Variants in ATR observed in about 807,000 individuals in gnomAD.
ATR encodes serine/threonine-protein kinase ATR.
Under a neutral mutation model 305.3 loss-of-function variants are expected in ATR, and 142 were observed. The ratio of observed to expected loss-of-function variants is 0.47; its 90% CI spans 0.41 to 0.53. The LOEUF is 0.53. ATR is among the 20% of genes least tolerant of loss of function. The pLI is 0.00. For missense variants in ATR, 2,135 were observed against 3,133.1 expected, an observed-to-expected ratio of 0.68 and a Z score of 7.60; for synonymous variants, 1,050 against 1,068.1, an observed-to-expected ratio of 0.98 and a Z score of 0.33.
At chr3:142,501,207 C>A (rs1447142076) in intron 30 of ATR, among the ~76,000 whole-genome samples, 1 of 152,018 alleles carries the variant, frequency 6.6e-6, no homozygotes, top group Non-Finnish European at 1.5e-5. Context: ...TCTATGTATC[C>A]CAGACCCAAA....
At chr3:142,529,189 T>A (rs1243817369) in intron 21 of ATR, among the ~76,000 whole-genome samples, 2 of 151,890 alleles carry the variant, frequency 1.3e-5, no homozygotes, top group Middle Eastern at 3.2e-3. Context: ...CTATCCAATA[T>A]ATTAATACCT....
At chr3:142,574,536 G>A (rs1484150756) in intron 1 of ATR, among the ~76,000 whole-genome samples, 1 of 151,672 alleles carries the variant, frequency 6.6e-6, no homozygotes, top group Admixed American at 6.6e-5. Context: ...TTCTACCCTG[G>A]AACTGAGCTA....
chr3:142,564,310 A>G (rs137873219), intron 3 of ATR, among the ~76,000 whole-genome samples: 2 of 151,242 alleles, frequency 1.3e-5, no homozygotes, highest in African/African-American at 4.8e-5. Context: ...GCCTGTAACA[A>G]CTTTGGAGTC....
rs1223496202 is a variant in ATR, at chr3:142,496,514, A to G, written c.5745T>C (p.Asp1915=). ...AGCATTCTCCAACCATTTCATTGTA[A>G]TCTGGTCTAAAGGAAGTAACAACAC... ...RALLSLNKRP[D]YNEMVGECWL... is the part of the protein sequence containing the mutation. Residue 1915 remains aspartate, a synonymous_variant, in exon 34 of 47, where the codon GAT becomes GAC. Coordinates refer to ENST00000350721, the MANE Select transcript of ATR (RefSeq NM_001184.4). 3 of 1,609,218 alleles carry G rather than the reference A, an allele frequency of 1.9e-6. No individual in the cohort carries two copies. Among genetic ancestry groups the G allele is most frequent in the Non-Finnish European group, 2.5e-6 (3 of 1,177,652 alleles).
At chr3:142,468,113 G>C (rs1431873800) in intron 38 of ATR, 45 bp from the exon 39 acceptor site, 7 of 1,595,956 alleles carry the variant, frequency 4.4e-6, no homozygotes, top group Non-Finnish European at 5.1e-6. Flanking sequence ...AGTTTATACA[G>C]GATTTTTAAA....
chr3:142,508,209 A>C (rs889500575), intron 27 of ATR, 100 bp from the exon 28 acceptor site: 1 of 970,864 alleles, frequency 1.0e-6, no homozygotes, highest in Non-Finnish European at 1.5e-6. Context: ...TAAACAAATT[A>C]ATCTGAATAT....
chr3:142,571,671 A>C (rs2035266860), intron 1 of ATR, among the ~76,000 whole-genome samples: 1 of 152,192 alleles, frequency 6.6e-6, no homozygotes, highest in Non-Finnish European at 1.5e-5. Context: ...CATATATTTC[A>C]TATATGTCAC....
At chr3:142,516,758 G>A (rs1350875665) in intron 24 of ATR, among the ~76,000 whole-genome samples, 1 of 152,042 alleles carries the variant, frequency 6.6e-6, no homozygotes, top group African/African-American at 2.4e-5. Flanking sequence ...CATTCCGGAT[G>A]CTCCTTGGGG....
rs2108276403 is a variant in ATR, at chr3:142,468,085, T to A, written c.6553-17A>T. 1 of 1,610,352 alleles carries A rather than the reference T, an allele frequency of 6.2e-7. No individual in the cohort carries two copies. The highest frequency in any genetic ancestry group is 8.5e-7 in the Non-Finnish European group (1 of 1,178,676). On this transcript the variant is annotated splice_polypyrimidine_tract_variant and intron_variant, in intron 38 of 46. Transcript: ENST00000350721. ...ATAAGATGACTGTCATAAAAAAGAG[T>A]TAAATGTCATAAAAAAGAGTTTATA...
intron 28 of ATR, among the ~76,000 whole-genome samples, chr3:142,505,848 A>G (rs973957430): frequency 1.2e-4 from 19 of 152,208 alleles, no homozygotes; most frequent in African/African-American, 4.6e-4. Flanking sequence ...CAGACTGACG[A>G]TAGAGATTAG....
chr3:142,450,242 AAATAACCCCT>A (rs903292252), intron 46 of ATR: 1 of 653,196 alleles, frequency 1.5e-6, no homozygotes, highest in African/African-American at 1.8e-5. Context: ...CCAGGTATTA[AAATAACCCCT>A]ACAACAGCCA....
chr3:142,564,426 G>A (rs2034992564), intron 3 of ATR, among the ~76,000 whole-genome samples: 1 of 152,206 alleles, frequency 6.6e-6, no homozygotes, highest in African/African-American at 2.4e-5. Context: ...CTATGTTATG[G>A]GTTACTGTGA....
At chr3:142,452,665 C>G in intron 46 of ATR, 1 of 1,016,290 alleles carries the variant, frequency 9.8e-7, no homozygotes, top group Middle Eastern at 4.9e-4. Context: ...CAGAGCGAGA[C>G]TCTGTCTCAA....
chr3:142,563,424 C>T (rs917858683), intron 3 of ATR, among the ~76,000 whole-genome samples: 1 of 152,154 alleles, frequency 6.6e-6, no homozygotes, highest in African/African-American at 2.4e-5. Flanking sequence ...CAAAATATTT[C>T]AAACATTTTC....
intron 4 of ATR, 111 bp from the exon 5 acceptor site, chr3:142,561,532 T>G: frequency 8.6e-7 from 1 of 1,158,336 alleles, no homozygotes; most frequent in Non-Finnish European, 1.2e-6. Flanking sequence ...GAAACTACTT[T>G]TAGAGTCTCA....
At chr3:142,486,759 A>C (rs1379029738) in intron 35 of ATR, among the ~76,000 whole-genome samples, 1 of 151,934 alleles carries the variant, frequency 6.6e-6, no homozygotes, top group Admixed American at 6.6e-5. Context: ...ATCCTCATAC[A>C]AGAACTCCAG....
intron 46 of ATR, chr3:142,451,406 G>T: frequency 6.8e-7 from 1 of 1,471,916 alleles, no homozygotes. Flanking sequence ...GAGATCTGAA[G>T]CCTAGAAATA....
intron 33 of ATR, among the ~76,000 whole-genome samples, 197 bp downstream of exon 33, chr3:142,496,816 A>T (rs1302977710): frequency 6.6e-6 from 1 of 152,166 alleles, no homozygotes; most frequent in African/African-American, 2.4e-5. Context: ...TTAACATCTT[A>T]AAAAAGAGAA....
At chr3:142,564,909 G>A (rs1476527208) in intron 3 of ATR, among the ~76,000 whole-genome samples, 1 of 152,012 alleles carries the variant, frequency 6.6e-6, no homozygotes, top group Non-Finnish European at 1.5e-5. Context: ...GTGCCACCAT[G>A]TTCAGCTAAT....
Sources: allele counts gnomAD v4.1 joint callset (sites outside exome capture counted in the v4.1 genomes callset), GRCh38; gene constraint gnomAD v4.1.1; transcripts MANE v1.5; gene names NCBI Gene and HGNC (gene_info 2026-07-23, HGNC 2026-07-21).